Variants in FSHR observed in about 807,000 individuals in gnomAD.
FSHR encodes the protein follicle stimulating hormone receptor.
In FSHR, 46 loss-of-function variants were observed where a neutral mutation model predicts 52.1. That is an observed-to-expected ratio of 0.88 (90% CI 0.70 to 1.13). FSHR has a LOEUF of 1.13. Ranked by LOEUF, FSHR falls within the 50% of genes most tolerant of loss-of-function variation. The pLI, the probability that FSHR is intolerant of heterozygous loss-of-function variation, is 0.00. For missense variants in FSHR, 964 were observed against 834.6 expected, an observed-to-expected ratio of 1.16 and a Z score of -1.91; for synonymous variants, 399 against 309.6, an observed-to-expected ratio of 1.29 and a Z score of -3.03.
In FSHR at chr2:48,968,811, C is replaced by T. The variant is rs753249416; in HGVS notation, c.741G>A (p.Arg247=). The change falls in exon 9 of 10, where the codon AGG becomes AGA. Residue 247 remains arginine, a synonymous_variant. Transcript: ENST00000406846. ...GCAGCTTTTTTAAGTTGTAAGTCGA[C>T]CTGGCCCTCAGCTTCTTAAGATTTT... The part of the protein sequence containing the change: ...GLENLKKLRA[R]STYNLKKLPT... 2.5e-6 allele frequency: 4 copies of T among 1,614,082 alleles called. No individual in the cohort carries two copies. Among genetic ancestry groups the T allele is most frequent in the East Asian group, 4.5e-5 (2 of 44,886 alleles).
chr2:49,026,694 G>T (rs1667920650), intron 2 of FSHR, among the ~76,000 whole-genome samples: 1 of 152,218 alleles, frequency 6.6e-6, no homozygotes, highest in Non-Finnish European at 1.5e-5. Flanking sequence ...GGAGGACAGT[G>T]TGGGAAGGAT....
At chr2:48,976,603 G>C (rs778261176) in intron 8 of FSHR, among the ~76,000 whole-genome samples, 1 of 152,146 alleles carries the variant, frequency 6.6e-6, no homozygotes, top group Non-Finnish European at 1.5e-5. Context: ...CTGTGAATCT[G>C]TCTGGTCCTG....
intron 8 of FSHR, among the ~76,000 whole-genome samples, chr2:48,975,709 G>T (rs896392983): frequency 6.6e-6 from 1 of 152,128 alleles, no homozygotes; most frequent in Non-Finnish European, 1.5e-5. Flanking sequence ...CACATCCCTT[G>T]TAAGTTGTAT....
intron 1 of FSHR, among the ~76,000 whole-genome samples, chr2:49,080,333 C>T (rs376405231): frequency 6.6e-6 from 1 of 152,176 alleles, no homozygotes; most frequent in East Asian, 1.9e-4. Flanking sequence ...CCCTTGGACC[C>T]AGTTATTCCA....
chr2:49,037,318 G>A (rs963347279), intron 2 of FSHR, among the ~76,000 whole-genome samples: 3 of 152,216 alleles, frequency 2.0e-5, no homozygotes, highest in Non-Finnish European at 4.4e-5. Flanking sequence ...AAATTAAAAT[G>A]CTTGATAGCA....
At chr2:49,137,733 G>A (rs1672536182) in intron 1 of FSHR, among the ~76,000 whole-genome samples, 1 of 151,966 alleles carries the variant, frequency 6.6e-6, no homozygotes, top group Non-Finnish European at 1.5e-5. Flanking sequence ...TTTAGTAAGG[G>A]ACAATTAAAT....
At chr2:49,099,462 A>C (rs1670946678) in intron 1 of FSHR, among the ~76,000 whole-genome samples, 1 of 152,128 alleles carries the variant, frequency 6.6e-6, no homozygotes, top group Non-Finnish European at 1.5e-5. Flanking sequence ...AGTCTCAGGT[A>C]TGTCTTTATT....
rs1558456745 is a variant in FSHR at position 49,127,839 on chromosome 2, T to C, written c.152+26427A>G. On this transcript the variant is annotated intron_variant, in intron 1 of 9. Coordinates refer to ENST00000406846, the MANE Select transcript of FSHR (RefSeq NM_000145.4). ...CTTCTTCTTCTTCTTCCTCTTCTTC[T>C]TCTTCTTCTTCTTCTTCTTCTTCTT... Among the ~76,000 whole-genome samples the C allele has an allele frequency of 6.3e-3, 84 of 13,292 alleles. 3 individuals are homozygous for C. The highest frequency in any genetic ancestry group is 0.034 in the African/African-American group (56 of 1,666). The allele number at this position is 13,292 out of a possible 152,430, so 8.7% of individuals were successfully genotyped here.
chr2:49,003,412 C>T (rs187579622), intron 4 of FSHR, among the ~76,000 whole-genome samples: 2 of 152,226 alleles, frequency 1.3e-5, no homozygotes, highest in East Asian at 1.9e-4. Flanking sequence ...TTTGTGGTTT[C>T]CCCGTCCTGA....
intron 2 of FSHR, among the ~76,000 whole-genome samples, chr2:49,021,886 T>TATATATATATATATATATATAG (rs1273265515): frequency 1.6e-4 from 4 of 25,122 alleles, no homozygotes; most frequent in Non-Finnish European, 2.2e-4. Context: ...TATATATATA[T>TATATATATATATATATATATAG]AGAGAGAGAG....
At chr2:49,104,276 G>A (rs1209096399) in intron 1 of FSHR, among the ~76,000 whole-genome samples, 1 of 152,078 alleles carries the variant, frequency 6.6e-6, no homozygotes, top group Non-Finnish European at 1.5e-5. Flanking sequence ...TGACTTTCTG[G>A]TCAGCCATTG....
At chr2:48,973,282 A>T (rs1041866100) in intron 8 of FSHR, among the ~76,000 whole-genome samples, 2 of 152,082 alleles carry the variant, frequency 1.3e-5, no homozygotes, top group Non-Finnish European at 2.9e-5. Context: ...GCACATGCAA[A>T]TGCACATGCA....
chr2:49,038,638 T>A (rs11885931), intron 2 of FSHR, among the ~76,000 whole-genome samples: 3,199 of 52,658 alleles, frequency 0.061, 412 homozygotes, highest in African/African-American at 0.12. Context: ...ATAATAATAA[T>A]AATAATAATA....
chr2:49,063,373 T>C (rs1669382257), intron 2 of FSHR, among the ~76,000 whole-genome samples: 1 of 152,070 alleles, frequency 6.6e-6, no homozygotes, highest in Admixed American at 6.6e-5. Flanking sequence ...GCACTATAAA[T>C]AGCCAAGGTA....
intron 1 of FSHR, among the ~76,000 whole-genome samples, chr2:49,103,533 AG>A (rs1572748473): frequency 6.6e-6 from 1 of 152,204 alleles, no homozygotes; most frequent in Non-Finnish European, 1.5e-5. Flanking sequence ...ATCTAGGGGC[AG>A]GGGGCAGCCA....
Position 49,005,181 on chromosome 2 carries a change from C to T in FSHR, c.374+12308G>A, listed in dbSNP as rs187649524. Among the ~76,000 whole-genome samples, 21 of 152,150 alleles carry T rather than the reference C, an allele frequency of 1.4e-4. No individual in the cohort carries two copies. The East Asian group carries it at 4.1e-3, about 30-fold the overall frequency. On this transcript the variant is annotated intron_variant, in intron 4 of 9. Coordinates refer to ENST00000406846, the MANE Select transcript of FSHR (RefSeq NM_000145.4). Reference sequence around the variant, plus strand: ...TTCTTTCAGGAGAACGCATACTGAACAGGTTAGGGGAGAACAGGGAGGAAA... The same window carrying T: ...TTCTTTCAGGAGAACGCATACTGAATAGGTTAGGGGAGAACAGGGAGGAAA...
At chr2:49,127,810 T>TC (rs1672082182) in intron 1 of FSHR, among the ~76,000 whole-genome samples, 3 of 60,252 alleles carry the variant, frequency 5.0e-5, no homozygotes, top group African/African-American at 2.1e-4. Flanking sequence ...TTCTTCTTCT[T>TC]CTTCTTCTTC....
intron 1 of FSHR, among the ~76,000 whole-genome samples, chr2:49,095,490 G>C (rs368042533): frequency 6.6e-6 from 1 of 152,128 alleles, no homozygotes; most frequent in Admixed American, 6.5e-5. Flanking sequence ...ATTGATTAAA[G>C]ATCAAATTGT....
intron 2 of FSHR, among the ~76,000 whole-genome samples, chr2:49,059,267 A>G (rs1404743516): frequency 6.6e-6 from 1 of 152,160 alleles, no homozygotes; most frequent in Non-Finnish European, 1.5e-5. Context: ...AGAAGTAGAA[A>G]AAAAAATTTA....
Sources: allele counts gnomAD v4.1 joint callset (sites outside exome capture counted in the v4.1 genomes callset), GRCh38; gene constraint gnomAD v4.1.1; transcripts MANE v1.5; gene names NCBI Gene and HGNC (gene_info 2026-07-23, HGNC 2026-07-21).